The following FAM167A variants were observed in gnomAD, a reference collection of about 807,000 sequenced individuals.
FAM167A encodes the protein family with sequence similarity 167 member A.
In FAM167A, 23 loss-of-function variants were observed where a neutral mutation model predicts 14.9. That is an observed-to-expected ratio of 1.55 (90% CI 1.11 to 2.19). The LOEUF is 2.19. Among genes scored for constraint, FAM167A ranks in the 30% most tolerant of loss-of-function variants. The pLI is 0.00. For synonymous variants in FAM167A, 174 were observed against 117.7 expected (o/e 1.48, Z -3.10); for missense variants, 401 against 281.5 (o/e 1.42, Z -3.04).
rs1418435846 is a variant in FAM167A at position 11,421,549 on chromosome 8, T to C, written c.*2824A>G. 2.5e-6 allele frequency: 1 copy of C among 395,952 alleles called. No homozygotes were observed. The highest frequency in any genetic ancestry group is 4.4e-6 in the Non-Finnish European group (1 of 224,802). 24.5% of individuals were successfully genotyped at this position (395,952 alleles called of 1,614,324 possible). Reference sequence around the variant, plus strand: ...TTTCTAACAGCAATATAGAAACAAATAATCATAAAAAATAAAAGTATAAAT... The same window carrying C: ...TTTCTAACAGCAATATAGAAACAAACAATCATAAAAAATAAAAGTATAAAT... On this transcript the variant is annotated 3_prime_UTR_variant, in exon 3 of 3. Coordinates refer to ENST00000284486, the MANE Select transcript of FAM167A (RefSeq NM_053279.3).
At chr8:11,454,270 G>A (rs1426982671) in intron 1 of FAM167A, among the ~76,000 whole-genome samples, 1 of 152,220 alleles carries the variant, frequency 6.6e-6, no homozygotes, top group Non-Finnish European at 1.5e-5. Context: ...TGTTTCCTCT[G>A]CTGAGCCTGC....
At position 11,444,112 on chromosome 8, in the gene FAM167A, T is replaced by G. The variant is rs758893333; in HGVS notation, c.300A>C (p.Gln100His). 1 of 1,613,314 alleles carries G rather than the reference T, an allele frequency of 6.2e-7. No homozygotes were observed. The highest frequency in any genetic ancestry group is 8.5e-7 in the Non-Finnish European group (1 of 1,180,008). ...TGCCAGTGGACAGGGGTCTGGCACC[T>G]TGGCTGGCACTCCTGGCAGAAGGGG... ...QHPPSARSAS[Q>H]GARPLSTGKL... Residue 100 changes from glutamine (Q) to histidine (H), a missense_variant, in exon 2 of 3, where the codon CAA (glutamine) becomes CAC (histidine). By Grantham distance (24) the Gln-to-His change is conservative (BLOSUM62 0). Coordinates refer to ENST00000284486, the MANE Select transcript of FAM167A (RefSeq NM_053279.3).
intron 2 of FAM167A, among the ~76,000 whole-genome samples, chr8:11,429,766 G>T (rs1018061026): frequency 6.6e-6 from 1 of 152,186 alleles, no homozygotes; most frequent in Non-Finnish European, 1.5e-5. Flanking sequence ...TTAGAACCCA[G>T]GTTCAAGCTG....
In FAM167A at chr8:11,424,523, G is replaced by A. The variant is rs776331059; in HGVS notation, c.495C>T (p.Asn165=). The A allele has an allele frequency of 2.0e-5, 32 of 1,614,070 alleles. No individual in the cohort carries two copies. The African/African-American group carries it at 2.3e-4, about 11-fold the overall frequency. ...GCTCCTCCAGCTCGTAGGTGGCATCGTTGAGCATCCTCCTGTGGAGGCGGC... is the reference window on the plus strand; with the variant it reads ...GCTCCTCCAGCTCGTAGGTGGCATCATTGAGCATCCTCCTGTGGAGGCGGC... ...HTCRLHRRML[N]DATYELEERD... is the part of the protein sequence containing the mutation. Residue 165 remains asparagine, a synonymous_variant, in exon 3 of 3, where the codon AAC becomes AAT. Transcript: ENST00000284486.
rs34351144 is a variant in FAM167A at position 11,421,876 on chromosome 8, G to GA, written c.*2496dup. ...AGGCCAATGTTGCTGCTGACTCATAGACCCACAGAGAGCAGGGACTTCACA... is the reference window on the plus strand; with the variant it reads ...AGGCCAATGTTGCTGCTGACTCATAGAACCCACAGAGAGCAGGGACTTCACA... On this transcript the variant is annotated 3_prime_UTR_variant, in exon 3 of 3. Transcript: ENST00000284486. 65,532 of 398,526 alleles carry GA rather than the reference G, an allele frequency of 0.16. 6,728 individuals carry two copies. The highest frequency in any genetic ancestry group is 0.22 in the Non-Finnish European group (48,797 of 226,064). 24.7% of individuals were successfully genotyped at this position (398,526 alleles called of 1,614,324 possible). A position where few individuals can be genotyped will look rare whatever the true frequency, so the allele number is the denominator to read the frequency against.
intron 2 of FAM167A, among the ~76,000 whole-genome samples, chr8:11,441,310 C>T (rs79711489): frequency 0.023 from 3,434 of 152,312 alleles, 54 homozygotes; most frequent in Middle Eastern, 0.068. Context: ...CTGGTCTCGC[C>T]CTCCTTTCAT....
At chr8:11,435,761 C>G (rs920188755) in intron 2 of FAM167A, among the ~76,000 whole-genome samples, 2 of 152,248 alleles carry the variant, frequency 1.3e-5, no homozygotes, top group African/African-American at 4.8e-5. Flanking sequence ...TCCTCATCTG[C>G]TACATGAGCA....
chr8:11,434,970 C>G, intron 2 of FAM167A: 1 of 452,394 alleles, frequency 2.2e-6, no homozygotes. Flanking sequence ...GCACCCACCC[C>G]TGCATTTGGG....
At chr8:11,424,763 C>A (rs1017007026) in intron 2 of FAM167A, 127 bp from the exon 3 acceptor site, 114 of 1,351,692 alleles carry the variant, frequency 8.4e-5, no homozygotes, top group Non-Finnish European at 1.0e-4. Context: ...AATATTAGCA[C>A]TTTCCCTGCT....
intron 1 of FAM167A, among the ~76,000 whole-genome samples, chr8:11,449,875 A>G (rs975917623): frequency 6.6e-6 from 1 of 151,874 alleles, no homozygotes; most frequent in Non-Finnish European, 1.5e-5. Flanking sequence ...CTCAGCCAAC[A>G]CCTTGTCTCA....
chr8:11,425,102 G>T (rs1351785078), intron 2 of FAM167A, among the ~76,000 whole-genome samples: 1 of 152,166 alleles, frequency 6.6e-6, no homozygotes, highest in Non-Finnish European at 1.5e-5. Flanking sequence ...GTGTCATGTT[G>T]TTACATTACT....
intron 1 of FAM167A, 91 bp from the exon 2 acceptor site, chr8:11,444,899 C>T (rs898133348): frequency 1.1e-6 from 1 of 945,380 alleles, no homozygotes; most frequent in Middle Eastern, 5.3e-4. Flanking sequence ...GAAACTGAGG[C>T]TCAGAGTGGA....
rs150406646 is a variant in FAM167A at position 11,424,550 on chromosome 8, G to A, written c.468C>T (p.Thr156=). Residue 156 remains threonine, a synonymous_variant, in exon 3 of 3, where the codon ACC becomes ACT. Transcript: ENST00000284486. ...GDINKLKIEH[T]CRLHRRMLND... ...TGAGCATCCTCCTGTGGAGGCGGCA[G>A]GTGTGTTCGATTTTCAGCTTGTTGA... 3.7e-6 allele frequency: 6 copies of A among 1,614,080 alleles called. No homozygotes were observed. The highest frequency in any genetic ancestry group is 5.1e-6 in the Non-Finnish European group (6 of 1,179,924).
At position 11,422,672 on chromosome 8, in the gene FAM167A, A is replaced by T. The variant is rs1445599589; in HGVS notation, c.*1701T>A. 1 of 152,130 alleles carries T rather than the reference A, an allele frequency of 6.6e-6. No individual in the cohort carries two copies. Among genetic ancestry groups the T allele is most frequent in the Non-Finnish European group, 1.5e-5 (1 of 68,014 alleles). 9.4% of individuals were successfully genotyped at this position (152,130 alleles called of 1,614,324 possible). On this transcript the variant is annotated 3_prime_UTR_variant, in exon 3 of 3. Transcript: ENST00000284486. ...CTTTTCTGTCTACTAGAGATCATTC[A>T]TTTGCATTGTCCTACTCTCAGCCCA...
At chr8:11,451,396 GA>G (rs34824222) in intron 1 of FAM167A, among the ~76,000 whole-genome samples, 51,012 of 152,172 alleles carry the variant, frequency 0.34, 9,323 homozygotes, top group Middle Eastern at 0.55. Flanking sequence ...GCTACTTGGA[GA>G]TGGGGTTTCT....
intron 1 of FAM167A, among the ~76,000 whole-genome samples, chr8:11,475,402 A>AACCTC (rs1278918333): frequency 6.6e-6 from 1 of 152,082 alleles, no homozygotes; most frequent in Non-Finnish European, 1.5e-5. Context: ...AAAGCCTCTC[A>AACCTC]ACCTCACCCC....
intron 2 of FAM167A, among the ~76,000 whole-genome samples, chr8:11,426,815 G>C (rs879906096): frequency 6.6e-6 from 1 of 152,174 alleles, no homozygotes; most frequent in Non-Finnish European, 1.5e-5. Flanking sequence ...AAAGTCACTT[G>C]TGTCTTAGTC....
Position 11,424,251 on chromosome 8 carries a change from T to G in FAM167A, c.*122A>C. On this transcript the variant is annotated 3_prime_UTR_variant, in exon 3 of 3. Coordinates refer to ENST00000284486, the MANE Select transcript of FAM167A (RefSeq NM_053279.3). ...CTGAATAGGTCCTGGGGCCCTTGAGTCGCCAGTCCCAGGGACCCCTGCCTC... is the reference window on the plus strand; with the variant it reads ...CTGAATAGGTCCTGGGGCCCTTGAGGCGCCAGTCCCAGGGACCCCTGCCTC... 7.5e-7 allele frequency: 1 copy of G among 1,334,900 alleles called. No homozygotes were observed. The highest frequency in any genetic ancestry group is 1.0e-6 in the Non-Finnish European group (1 of 976,336). 82.7% of individuals were successfully genotyped at this position (1,334,900 alleles called of 1,614,324 possible).
At chr8:11,474,089 G>A (rs1797795075) in intron 1 of FAM167A, among the ~76,000 whole-genome samples, 1 of 152,130 alleles carries the variant, frequency 6.6e-6, no homozygotes, top group Admixed American at 6.5e-5. Context: ...TGGCCAGGCT[G>A]ATCTTGAACC....
Sources: allele counts gnomAD v4.1 joint callset (sites outside exome capture counted in the v4.1 genomes callset), GRCh38; gene constraint gnomAD v4.1.1; transcripts MANE v1.5; gene names NCBI Gene and HGNC (gene_info 2026-07-23, HGNC 2026-07-21).